PAWR: variants seen among roughly 807,000 people sequenced by gnomAD.
The protein encoded by PAWR is pro-apoptotic WT1 regulator.
In PAWR, 23 loss-of-function variants were observed where a neutral mutation model predicts 32.0. That is an observed-to-expected ratio of 0.72 (90% CI 0.52 to 1.02). PAWR has a LOEUF of 1.02. Ranked by LOEUF, PAWR falls within the 50% of genes least tolerant of loss-of-function variation. PAWR has a pLI of 0.00. For synonymous variants in PAWR, 226 were observed against 187.1 expected (o/e 1.21, Z -1.70); for missense variants, 457 against 437.7 (o/e 1.04, Z -0.39).
chr12:79,615,223 C>T (rs1874669500), intron 3 of PAWR, among the ~76,000 whole-genome samples: 1 of 152,078 alleles, frequency 6.6e-6, no homozygotes, highest in Non-Finnish European at 1.5e-5. Flanking sequence ...ATGTATATAT[C>T]TTATATTCTA....
intron 3 of PAWR, among the ~76,000 whole-genome samples, chr12:79,615,399 C>T (rs1454096340): frequency 1.3e-5 from 2 of 152,114 alleles, no homozygotes; most frequent in Non-Finnish European, 2.9e-5. Flanking sequence ...TGGGAAGTAA[C>T]CAGTTGCAGG....
chr12:79,626,870 G>A (rs1374422384), intron 2 of PAWR, among the ~76,000 whole-genome samples: 3 of 152,068 alleles, frequency 2.0e-5, no homozygotes, highest in Non-Finnish European at 2.9e-5. Flanking sequence ...ATAATTTGCT[G>A]AGAATGATGG....
Sources: gnomAD v4.1 joint callset for allele counts (sites outside exome capture counted in the v4.1 genomes callset) on GRCh38, gnomAD v4.1.1 for gene constraint, MANE v1.5 for transcripts, NCBI Gene and HGNC (gene_info 2026-07-23, HGNC 2026-07-21) for gene names.